Variants in ATAD2B observed in about 807,000 individuals in gnomAD.
ATAD2B encodes the protein ATPase family AAA domain-containing protein 2B.
In ATAD2B, 40 loss-of-function variants were observed where a neutral mutation model predicts 167.6. The ratio of observed to expected loss-of-function variants is 0.24; its 90% CI spans 0.19 to 0.31. ATAD2B has a LOEUF of 0.31. Among genes scored for constraint, ATAD2B ranks in the 10% least tolerant of loss-of-function variants. The pLI, the probability that ATAD2B is intolerant of heterozygous loss-of-function variation, is 1.00. For synonymous variants in ATAD2B, 579 were observed against 596.5 expected (o/e 0.97, Z 0.43); for missense variants, 1,242 against 1,757.2 (o/e 0.71, Z 5.24).
the ATAD2B span, chr2:23,691,459 A>G: frequency 3.4e-6 from 2 of 595,798 alleles, no homozygotes; most frequent in Non-Finnish European, 6.0e-6. Context: ...CCGAGTAGTG[A>G]TAAGCAGGGT....
chr2:23,747,959 A>T (rs753665989), downstream of ATAD2B, among the ~76,000 whole-genome samples: 16 of 152,246 alleles, frequency 1.1e-4, no homozygotes, highest in Non-Finnish European at 2.1e-4. Flanking sequence ...TTGAGCCTCA[A>T]ATTATAAGCT....
intron 17 of ATAD2B, among the ~76,000 whole-genome samples, chr2:23,815,494 C>A (rs554129452): frequency 1.8e-4 from 27 of 152,224 alleles, no homozygotes; most frequent in African/African-American, 6.5e-4. Context: ...ACGGAAAGAT[C>A]CATGGTACAA....
chr2:23,765,320 TCA>T (rs1198212918), intron 23 of ATAD2B, among the ~76,000 whole-genome samples, 184 bp downstream of exon 23: 1 of 152,220 alleles, frequency 6.6e-6, no homozygotes, highest in Non-Finnish European at 1.5e-5. Flanking sequence ...ACTAAAACTT[TCA>T]CAGTAGGTAA....
At chr2:23,876,354 T>C (rs570923453) in intron 7 of ATAD2B, among the ~76,000 whole-genome samples, 1 of 150,110 alleles carries the variant, frequency 6.7e-6, no homozygotes, top group African/African-American at 2.5e-5. Flanking sequence ...CAAACTGGAG[T>C]GCAGTGGCGC....
chr2:23,806,267 T>C (rs1684375965), intron 18 of ATAD2B: 1 of 152,248 alleles, frequency 6.6e-6, no homozygotes, highest in Non-Finnish European at 1.5e-5. Context: ...TTATTTGTTT[T>C]GCTTTTTCCC....
At chr2:23,706,580 C>T in the ATAD2B span, 1 of 1,537,174 alleles carries the variant, frequency 6.5e-7, no homozygotes, top group East Asian at 2.4e-5. Flanking sequence ...CCACAACCAA[C>T]ACATGGACCC....
At chr2:23,926,054 G>A (rs1704739636) in intron 1 of ATAD2B, among the ~76,000 whole-genome samples, 1 of 152,120 alleles carries the variant, frequency 6.6e-6, no homozygotes, top group African/African-American at 2.4e-5. Flanking sequence ...ATCCCTGCCT[G>A]GCTGCCAACT....
At chr2:23,711,521 C>A in the ATAD2B span, among the ~76,000 whole-genome samples, 1 of 151,874 alleles carries the variant, frequency 6.6e-6, no homozygotes, top group East Asian at 1.9e-4. Flanking sequence ...AAGCCCCTGC[C>A]ACCACGTCCA....
chr2:23,816,783 C>T (rs904450460), intron 17 of ATAD2B, among the ~76,000 whole-genome samples: 1 of 152,074 alleles, frequency 6.6e-6, no homozygotes, highest in Non-Finnish European at 1.5e-5. Flanking sequence ...TTTCTAGTCA[C>T]CCTTATGGTA....
At chr2:23,918,613 T>G (rs1160079605) in intron 1 of ATAD2B, among the ~76,000 whole-genome samples, 1 of 152,140 alleles carries the variant, frequency 6.6e-6, no homozygotes, top group Non-Finnish European at 1.5e-5. Flanking sequence ...TATTCATACT[T>G]TCAGTCCCAA....
chr2:23,864,046 A>C (rs1694802620), intron 11 of ATAD2B, among the ~76,000 whole-genome samples: 1 of 67,268 alleles, frequency 1.5e-5, no homozygotes, highest in African/African-American at 4.2e-5. Context: ...CTGAGACGGA[A>C]TCCTCACTGT....
At chr2:23,789,946 A>G (rs1558535735) in intron 19 of ATAD2B, among the ~76,000 whole-genome samples, 1 of 152,204 alleles carries the variant, frequency 6.6e-6, no homozygotes, top group African/African-American at 2.4e-5. Flanking sequence ...AGAAACAATG[A>G]AAGGTAAACA....
intron 22 of ATAD2B, among the ~76,000 whole-genome samples, chr2:23,769,594 T>C (rs76656564): frequency 0.014 from 2,055 of 152,214 alleles, 23 homozygotes; most frequent in Non-Finnish European, 0.02. Context: ...GCTGTTTCAT[T>C]TTACATTCCT....
At chr2:23,857,062 A>T (rs1693540746) in intron 13 of ATAD2B, among the ~76,000 whole-genome samples, 1 of 152,164 alleles carries the variant, frequency 6.6e-6, no homozygotes, top group South Asian at 2.1e-4. Flanking sequence ...TTAAAAAAAA[A>T]AAAAATTAAA....
intron 13 of ATAD2B, among the ~76,000 whole-genome samples, chr2:23,853,032 A>C (rs556288207): frequency 6.6e-6 from 1 of 152,312 alleles, no homozygotes; most frequent in Admixed American, 6.5e-5. Context: ...TATGTTACAA[A>C]GTTCAGTACT....
the ATAD2B span, among the ~76,000 whole-genome samples, chr2:23,701,060 C>T: frequency 6.6e-6 from 1 of 152,230 alleles, no homozygotes; most frequent in South Asian, 2.1e-4. Context: ...CATCTCCAAT[C>T]TGTTGCCCAC....
chr2:23,922,838 T>G (rs1407297079), intron 1 of ATAD2B, among the ~76,000 whole-genome samples: 2 of 152,024 alleles, frequency 1.3e-5, no homozygotes, highest in Non-Finnish European at 2.9e-5. Flanking sequence ...AAATGGCTCT[T>G]GTCAAAAAGA....
intron 13 of ATAD2B, among the ~76,000 whole-genome samples, chr2:23,841,967 T>A (rs1284571581): frequency 1.3e-5 from 2 of 152,188 alleles, no homozygotes; most frequent in East Asian, 1.9e-4. Flanking sequence ...TTTTGTGCTA[T>A]TTTTTTCCAC....
At chr2:23,696,446 G>A in the ATAD2B span, 16 of 1,550,774 alleles carry the variant, frequency 1.0e-5, no homozygotes, top group East Asian at 4.9e-5. This position sits in a 1 kb window ranked among gnomAD's most constrained non-coding sequence, Gnocchi z 5.5. Flanking sequence ...CAATAGCCTC[G>A]TCTACGATGG....
Sources: gnomAD v4.1 joint callset for allele counts (sites outside exome capture counted in the v4.1 genomes callset) on GRCh38, gnomAD v4.1.1 for gene constraint, Gnocchi (gnomAD v3.1) non-coding constraint, MANE v1.5 for transcripts, NCBI Gene and HGNC (gene_info 2026-07-23, HGNC 2026-07-21) for gene names.